The following RTTN variants were observed in gnomAD, a reference collection of about 807,000 sequenced individuals.
RTTN encodes the protein rotatin.
A neutral mutation model predicts 269.2 loss-of-function variants in RTTN; 182 were observed. The observed-to-expected ratio is 0.68, with a 90% CI of 0.60 to 0.76. RTTN has a LOEUF of 0.76. Among genes scored for constraint, RTTN ranks in the 30% least tolerant of loss-of-function variants. The pLI is 0.00. For missense variants in RTTN, 2,545 were observed against 2,608.6 expected, an observed-to-expected ratio of 0.98 and a Z score of 0.53; for synonymous variants, 1,006 against 963.5, an observed-to-expected ratio of 1.04 and a Z score of -0.82.
Position 70,114,468 on chromosome 18 carries a change from GAGC to G in RTTN, c.3657_3659del (p.Leu1220del). ...ACCTGTCAGTAACTTCCATGAAATT[GAGC>G]AGCAAGGTATCAAAAAGAGCAATCA... On this transcript the variant is annotated inframe_deletion, in exon 27 of 49. Coordinates refer to ENST00000640769, the MANE Select transcript of RTTN (RefSeq NM_173630.4). 1 of 1,613,034 alleles carries G rather than the reference GAGC, an allele frequency of 6.2e-7. No individual in the cohort carries two copies. The highest frequency in any genetic ancestry group is 2.2e-5 in the East Asian group (1 of 44,842).
chr18:70,140,946 G>A (rs1387665179), intron 19 of RTTN, among the ~76,000 whole-genome samples: 1 of 151,818 alleles, frequency 6.6e-6, no homozygotes, highest in African/African-American at 2.4e-5. Flanking sequence ...ATATTGAAGT[G>A]GAAGCTATCA....
intron 30 of RTTN, among the ~76,000 whole-genome samples, chr18:70,090,539 G>C (rs1268264464): frequency 6.6e-6 from 1 of 152,064 alleles, no homozygotes; most frequent in Non-Finnish European, 1.5e-5. Context: ...TGTGAGGGAG[G>C]GTTTGGCTAC....
At chr18:70,159,973 CCAGA>C (rs1489722226) in intron 14 of RTTN, among the ~76,000 whole-genome samples, 4 of 151,950 alleles carry the variant, frequency 2.6e-5, no homozygotes. Flanking sequence ...AAACACTGGG[CCAGA>C]CAAACTCACA....
At chr18:70,091,874 T>C (rs1346885634) in intron 30 of RTTN, among the ~76,000 whole-genome samples, 1 of 151,676 alleles carries the variant, frequency 6.6e-6, no homozygotes, top group Non-Finnish European at 1.5e-5. Context: ...TGCTGCAGCC[T>C]CCCAAGTAGC....
chr18:70,127,423 T>C, intron 25 of RTTN, 79 bp downstream of exon 25: 1 of 1,512,036 alleles, frequency 6.6e-7, no homozygotes. Flanking sequence ...CATAGACTCT[T>C]ATCTTCAAAG....
At chr18:70,154,039 TAAG>T in intron 14 of RTTN, among the ~76,000 whole-genome samples, 1 of 152,132 alleles carries the variant, frequency 6.6e-6, no homozygotes, top group Non-Finnish European at 1.5e-5. Context: ...ACTAGGATAA[TAAG>T]GCGAGTTTTA....
chr18:70,087,887 TG>T, intron 31 of RTTN, 101 bp downstream of exon 31: 2 of 1,172,258 alleles, frequency 1.7e-6, no homozygotes, highest in Non-Finnish European at 1.2e-6. Flanking sequence ...GAAGAGATCA[TG>T]GTCAGTGGTC....
rs1035306042 is a variant in RTTN, at chr18:70,067,309, G to A, written c.4654-1387C>T. ...CGAGTAGCTGGGACTACAGGCGCCC[G>A]CCACCACGCCCGGCTAATTTTTTGT... On this transcript the variant is annotated intron_variant, in intron 34 of 48. Coordinates refer to ENST00000640769, the MANE Select transcript of RTTN (RefSeq NM_173630.4). Among the ~76,000 whole-genome samples the A allele has an allele frequency of 5.3e-5, 8 of 151,908 alleles. No homozygotes were observed. The East Asian group carries it at 9.7e-4, about 18-fold the overall frequency.
chr18:70,186,828 T>C (rs779734660), intron 10 of RTTN, among the ~76,000 whole-genome samples: 2 of 152,060 alleles, frequency 1.3e-5, no homozygotes, highest in African/African-American at 4.8e-5. Context: ...TGAGAACACA[T>C]GGACCCAAAG....
At chr18:70,192,606 A>T (rs2061698521) in intron 8 of RTTN, among the ~76,000 whole-genome samples, 1 of 151,344 alleles carries the variant, frequency 6.6e-6, no homozygotes, top group Non-Finnish European at 1.5e-5. Context: ...ACTTGAGCCC[A>T]GAAGTCAAGG....
chr18:70,073,975 C>T lies in RTTN; in HGVS notation c.4584G>A (p.Lys1528=), dbSNP rs768052664. 1.2e-6 allele frequency: 2 copies of T among 1,611,330 alleles called. No individual in the cohort carries two copies. Among genetic ancestry groups the T allele is most frequent in the Non-Finnish European group, 1.7e-6 (2 of 1,178,016 alleles). Residue 1528 remains lysine (K), a synonymous_variant, in exon 34 of 49, where the codon AAG becomes AAA. Transcript: ENST00000640769. The part of the protein sequence containing the change: ...NDLNGLDDSF[K]FWRAPSRTSQ... The stretch of plus-strand genomic sequence containing the variant: ...TTGTCCTAGATGGAGCCCTCCAAAA[C>T]TTGAATGAGTCATCTAAACCTGCAA...
At chr18:70,083,157 G>T (rs146499273) in intron 32 of RTTN, among the ~76,000 whole-genome samples, 87 of 152,230 alleles carry the variant, frequency 5.7e-4, no homozygotes, top group African/African-American at 2.0e-3. Context: ...TGGTATCAAG[G>T]CCCCTGGTAG....
At chr18:70,046,511 T>C (rs754065233) in intron 40 of RTTN, among the ~76,000 whole-genome samples, 16 of 152,200 alleles carry the variant, frequency 1.1e-4, no homozygotes, top group Admixed American at 2.0e-4. Flanking sequence ...TTGAAAAGGT[T>C]TGAATTTTCC....
At chr18:70,082,187 T>A (rs1465347636) in intron 32 of RTTN, among the ~76,000 whole-genome samples, 1 of 152,190 alleles carries the variant, frequency 6.6e-6, no homozygotes, top group African/African-American at 2.4e-5. Flanking sequence ...TTATGTTATT[T>A]AAGTGCATGA....
At position 70,051,516 on chromosome 18, in the gene RTTN, A is replaced by G. The variant is rs1338693803; in HGVS notation, c.5218T>C (p.Trp1740Arg). 1 of 1,609,528 alleles carries G rather than the reference A, an allele frequency of 6.2e-7. No individual in the cohort carries two copies. The highest frequency in any genetic ancestry group is 8.5e-7 in the Non-Finnish European group (1 of 1,176,434). The change falls in exon 39 of 49, where the codon TGG becomes CGG. Residue 1740 changes from tryptophan (W) to arginine (R), a missense_variant. By Grantham distance (101) the Trp-to-Arg change is moderately radical. Coordinates refer to ENST00000640769, the MANE Select transcript of RTTN (RefSeq NM_173630.4). ...KELISAFYHT[W>R]THLFNLLAML... The stretch of plus-strand genomic sequence containing the variant: ...GCCAGAAGATTAAATAAATGTGTCC[A>G]TGTGTGATAAAAAGCTGATATTAAC...
At chr18:70,166,295 T>G (rs563276205) in intron 13 of RTTN, 107 bp from the exon 14 acceptor site, 1 of 1,072,628 alleles carries the variant, frequency 9.3e-7, no homozygotes, top group African/African-American at 1.6e-5. Context: ...CTCCTCAAAC[T>G]GAGATCTTAT....
At chr18:70,106,057 A>C (rs940276630) in intron 28 of RTTN, among the ~76,000 whole-genome samples, 2 of 152,204 alleles carry the variant, frequency 1.3e-5, no homozygotes, top group African/African-American at 4.8e-5. Flanking sequence ...TGCAGAAAAC[A>C]AAATAAAGGT....
At chr18:70,111,252 G>A (rs1042372850) in intron 27 of RTTN, among the ~76,000 whole-genome samples, 4 of 152,232 alleles carry the variant, frequency 2.6e-5, no homozygotes, top group African/African-American at 9.6e-5. Flanking sequence ...TGACCCCCGT[G>A]TATCCTGACG....
intron 34 of RTTN, among the ~76,000 whole-genome samples, chr18:70,070,047 A>G (rs2058253395): frequency 6.6e-6 from 1 of 152,238 alleles, no homozygotes; most frequent in Admixed American, 6.5e-5. Context: ...TAGATTCATA[A>G]TTCAAATGGA....
Sources: gnomAD v4.1 joint callset for allele counts (sites outside exome capture counted in the v4.1 genomes callset) on GRCh38, gnomAD v4.1.1 for gene constraint, MANE v1.5 for transcripts, NCBI Gene and HGNC (gene_info 2026-07-23, HGNC 2026-07-21) for gene names.